Variants in MAML3 observed in about 807,000 individuals in gnomAD.
MAML3 encodes mastermind-like protein 3.
MAML3 carries 27 observed loss-of-function variants against 101.9 expected under a neutral mutation model. The ratio of observed to expected loss-of-function variants is 0.27; its 90% CI spans 0.20 to 0.37. The LOEUF (loss-of-function observed/expected upper bound fraction) is 0.37, where lower values mean the gene tolerates loss of function less well. MAML3 is among the 10% of genes least tolerant of loss of function. MAML3 has a pLI of 1.00. For synonymous variants in MAML3, 501 were observed against 555.9 expected (o/e 0.90, Z 1.39); for missense variants, 1,316 against 1,444.9 (o/e 0.91, Z 1.45).
intron 2 of MAML3, among the ~76,000 whole-genome samples, chr4:139,760,753 C>T (rs542107368): frequency 1.3e-5 from 2 of 152,140 alleles, no homozygotes; most frequent in African/African-American, 4.8e-5. Context: ...CAGGACACCA[C>T]GTTCTGAAAG....
At chr4:140,037,127 G>A (rs1338836557) in intron 1 of MAML3, among the ~76,000 whole-genome samples, 1 of 151,548 alleles carries the variant, frequency 6.6e-6, no homozygotes, top group East Asian at 1.9e-4. Context: ...ACACAGTTCA[G>A]TAGATTACTG....
Position 140,071,896 on chromosome 4 carries a change from G to A in MAML3, c.468+80964C>T, listed in dbSNP as rs145298319. Among the ~76,000 whole-genome samples the A allele has an allele frequency of 3.3e-5, 5 of 152,202 alleles. No individual in the cohort carries two copies. In the East Asian group the frequency reaches 5.8e-4, roughly 18 times the overall value. On this transcript the variant is annotated intron_variant, in intron 1 of 4. Transcript: ENST00000509479. ...GATCAGAAAGTCCCTTGGGCAGGCTGGTGTGGGGTGCAAGAATGTCCTAGA... is the reference window on the plus strand; with the variant it reads ...GATCAGAAAGTCCCTTGGGCAGGCTAGTGTGGGGTGCAAGAATGTCCTAGA...
At chr4:140,116,541 C>G (rs1264264570) in intron 1 of MAML3, among the ~76,000 whole-genome samples, 1 of 152,244 alleles carries the variant, frequency 6.6e-6, no homozygotes, top group Non-Finnish European at 1.5e-5. Flanking sequence ...GTGGAGCCAA[C>G]TGCCTGGATT....
chr4:139,843,928 C>G (rs1404247662), intron 2 of MAML3, among the ~76,000 whole-genome samples: 1 of 152,136 alleles, frequency 6.6e-6, no homozygotes, highest in Non-Finnish European at 1.5e-5. Context: ...CCACAGGGCC[C>G]CTGGGAGGTG....
rs77723745 is a variant in MAML3, at chr4:139,874,176, T to A, written c.2079+15181A>T. ...ACTGAGGTACCAGAAACAATGAGGG[T>A]ACTGTAAGGCCTCAAAGAGTCTAAC... On this transcript the variant is annotated intron_variant, in intron 2 of 4. Transcript: ENST00000509479. 7.7e-3 allele frequency among the ~76,000 whole-genome samples: 1,178 copies of A among 152,262 alleles called. 12 individuals carry two copies. The highest frequency in any genetic ancestry group is 0.027 in the African/African-American group (1,116 of 41,530).
chr4:140,098,725 G>C (rs1300781955), intron 1 of MAML3, among the ~76,000 whole-genome samples: 2 of 152,264 alleles, frequency 1.3e-5, no homozygotes, highest in East Asian at 3.9e-4. Flanking sequence ...CTACTGGTCT[G>C]CATCGGGCTA....
At chr4:140,012,050 C>T (rs115052081) in intron 1 of MAML3, among the ~76,000 whole-genome samples, 2,192 of 151,524 alleles carry the variant, frequency 0.014, 51 homozygotes, top group African/African-American at 0.049. Flanking sequence ...AGGCAATTAC[C>T]TATTATGTAA....
chr4:140,052,844 A>G (rs1236475158), intron 1 of MAML3, among the ~76,000 whole-genome samples: 2 of 152,066 alleles, frequency 1.3e-5, no homozygotes, highest in Non-Finnish European at 2.9e-5. Context: ...AAAAAAACCC[A>G]TATATTTCTA....
chr4:140,134,559 G>C (rs926668808), intron 1 of MAML3: 1 of 352,846 alleles, frequency 2.8e-6, no homozygotes, highest in Non-Finnish European at 5.6e-6. Flanking sequence ...TCCCCTTGCA[G>C]AGCCCAGTGT....
At chr4:139,946,525 A>G (rs1451990592) in intron 1 of MAML3, among the ~76,000 whole-genome samples, 1 of 152,190 alleles carries the variant, frequency 6.6e-6, no homozygotes, top group Non-Finnish European at 1.5e-5. Flanking sequence ...TAACTATACC[A>G]AACGTATAAC....
At chr4:139,797,079 T>G (rs1259781404) in intron 2 of MAML3, among the ~76,000 whole-genome samples, 1 of 152,212 alleles carries the variant, frequency 6.6e-6, no homozygotes, top group African/African-American at 2.4e-5. Flanking sequence ...TCCCCCTACA[T>G]GACATTGCTT....
intron 1 of MAML3, among the ~76,000 whole-genome samples, chr4:140,000,685 G>A (rs530986737): frequency 1.3e-5 from 2 of 152,302 alleles, no homozygotes; most frequent in Admixed American, 6.5e-5. Context: ...TTGGCTCAAT[G>A]ATCTAGCTGT....
rs976059129 is a variant in MAML3 at position 139,719,742 on chromosome 4, G to T, written c.2998C>A (p.Gln1000Lys). 3.1e-6 allele frequency: 5 copies of T among 1,613,632 alleles called. 1 individual carries two copies. The African/African-American group carries it at 4.0e-5, about 13-fold the overall frequency. The change falls in exon 5 of 5, where the codon CAG becomes AAG. Residue 1000 changes from glutamine (Q) to lysine (K), a missense_variant. Physicochemically the swap from Gln to Lys is moderately conservative, Grantham distance 53. Transcript: ENST00000509479. ...LQAGQPRLTK[Q>K]HFPQGLSQSV... Reference sequence around the variant, plus strand: ...TGGCTCAGTCCCTGTGGGAAGTGCTGCTTGGTCAGTCTCGGCTGCCCAGCT... The same window carrying T: ...TGGCTCAGTCCCTGTGGGAAGTGCTTCTTGGTCAGTCTCGGCTGCCCAGCT...
At chr4:140,050,593 C>A (rs1478972439) in intron 1 of MAML3, among the ~76,000 whole-genome samples, 2 of 152,164 alleles carry the variant, frequency 1.3e-5, no homozygotes, top group African/African-American at 4.8e-5. Flanking sequence ...CTCCACTGAA[C>A]ACATTTCTCT....
At chr4:140,108,113 C>A (rs566128678) in intron 1 of MAML3, among the ~76,000 whole-genome samples, 2 of 152,034 alleles carry the variant, frequency 1.3e-5, no homozygotes, top group African/African-American at 4.8e-5. Context: ...ATACCTTTCC[C>A]CATCCTCTAT....
intron 1 of MAML3, among the ~76,000 whole-genome samples, chr4:140,113,436 GC>G (rs1330947662): frequency 6.6e-6 from 1 of 152,122 alleles, no homozygotes; most frequent in African/African-American, 2.4e-5. Flanking sequence ...GTCCTCCTCT[GC>G]CCAGAAGTAG....
intron 2 of MAML3, among the ~76,000 whole-genome samples, chr4:139,808,057 C>T (rs1435988094): frequency 6.6e-6 from 1 of 152,238 alleles, no homozygotes; most frequent in African/African-American, 2.4e-5. Flanking sequence ...ACTTTCTCTT[C>T]TCTATCCACG....
chr4:140,098,009 C>T (rs946766669), intron 1 of MAML3, among the ~76,000 whole-genome samples: 2 of 152,186 alleles, frequency 1.3e-5, no homozygotes, highest in Non-Finnish European at 2.9e-5. Context: ...ACGTTTTTCT[C>T]CACTACGAAG....
In MAML3 at chr4:139,766,317, G is replaced by A. The variant is rs181438728; in HGVS notation, c.2080-35650C>T. 4.7e-3 allele frequency among the ~76,000 whole-genome samples: 709 copies of A among 152,146 alleles called. 9 individuals carry two copies. The highest frequency in any genetic ancestry group is 0.016 in the African/African-American group (675 of 41,502). ...CTCCTGAGCAGCTGGGATTACAGGC[G>A]CCCACCACCATGCCCAGCTAATTTT... On this transcript the variant is annotated intron_variant, in intron 2 of 4. Transcript: ENST00000509479.
Sources: allele counts gnomAD v4.1 joint callset (sites outside exome capture counted in the v4.1 genomes callset), GRCh38; gene constraint gnomAD v4.1.1; transcripts MANE v1.5; gene names NCBI Gene and HGNC (gene_info 2026-07-23, HGNC 2026-07-21).